Variants in CADM2 observed in about 807,000 individuals in gnomAD.
CADM2 encodes the protein immunoglobulin superfamily member 4D.
CADM2 carries 12 observed loss-of-function variants against 49.8 expected under a neutral mutation model. The observed-to-expected ratio is 0.24, with a 90% CI of 0.15 to 0.39. The LOEUF is 0.39. CADM2 is among the 10% of genes least tolerant of loss of function. The pLI, the probability that CADM2 is intolerant of heterozygous loss-of-function variation, is 1.00. For synonymous variants in CADM2, 214 were observed against 175.4 expected (o/e 1.22, Z -1.74); for missense variants, 378 against 492.3 (o/e 0.77, Z 2.20).
intron 1 of CADM2, among the ~76,000 whole-genome samples, chr3:85,502,407 G>A (rs1362266646): frequency 6.6e-6 from 1 of 151,966 alleles, no homozygotes; most frequent in Admixed American, 6.6e-5. Context: ...AAAAGGAAAG[G>A]GAATGAGGGA....
chr3:85,992,210 A>G (rs1292418532), intron 8 of CADM2: 2 of 152,052 alleles, frequency 1.3e-5, no homozygotes, highest in African/African-American at 4.8e-5. Flanking sequence ...TATTTTAAAC[A>G]TATGCATGTG....
intron 1 of CADM2, among the ~76,000 whole-genome samples, chr3:85,530,909 C>A (rs1055692943): frequency 1.6e-5 from 2 of 123,232 alleles, no homozygotes; most frequent in African/African-American, 7.9e-5. Context: ...CACACACACA[C>A]ACACAAAATT....
chr3:85,322,274 T>C (rs1263864763), intron 1 of CADM2, among the ~76,000 whole-genome samples: 2 of 152,240 alleles, frequency 1.3e-5, no homozygotes, highest in Non-Finnish European at 2.9e-5. Context: ...CTGTTTACGG[T>C]AGCATGTCCT....
chr3:85,355,499 A>G (rs1448034501), intron 1 of CADM2, among the ~76,000 whole-genome samples: 1 of 152,138 alleles, frequency 6.6e-6, no homozygotes, highest in Non-Finnish European at 1.5e-5. Flanking sequence ...ATTTTTTAAT[A>G]GAAGTTAACA....
At chr3:85,370,508 A>G (rs531958152) in intron 1 of CADM2, among the ~76,000 whole-genome samples, 22 of 152,222 alleles carry the variant, frequency 1.4e-4, no homozygotes, top group African/African-American at 5.1e-4. Flanking sequence ...TCATAAAGTA[A>G]TAGCACAATG....
At chr3:85,455,791 A>G (rs561720914) in intron 1 of CADM2, among the ~76,000 whole-genome samples, 1 of 152,258 alleles carries the variant, frequency 6.6e-6, no homozygotes, top group Admixed American at 6.5e-5. Context: ...ACAAGCCTCA[A>G]ACAATTATGT....
chr3:85,322,081 T>C (rs1267214504), intron 1 of CADM2, among the ~76,000 whole-genome samples: 2 of 151,864 alleles, frequency 1.3e-5, no homozygotes, highest in Non-Finnish European at 2.9e-5. Context: ...CATCAAATAT[T>C]GGGTGTGTGA....
intron 8 of CADM2, among the ~76,000 whole-genome samples, chr3:86,024,557 A>T (rs1048328779): frequency 1.3e-5 from 2 of 152,176 alleles, no homozygotes; most frequent in African/African-American, 4.8e-5. Context: ...TGGAGCAATT[A>T]TATATGTAAT....
chr3:85,485,655 G>A (rs748238313), intron 1 of CADM2, among the ~76,000 whole-genome samples: 10 of 151,880 alleles, frequency 6.6e-5, no homozygotes, highest in Non-Finnish European at 1.2e-4. Flanking sequence ...CACTCTTGTC[G>A]ACATAATTAT....
intron 1 of CADM2, among the ~76,000 whole-genome samples, chr3:84,992,894 A>T (rs2032971042): frequency 6.6e-6 from 1 of 152,174 alleles, no homozygotes; most frequent in South Asian, 2.1e-4. Flanking sequence ...GGAGGTAGAG[A>T]CGAGCAGCCT....
intron 8 of CADM2, among the ~76,000 whole-genome samples, chr3:86,001,961 C>G (rs972097690): frequency 2.6e-5 from 4 of 151,828 alleles, no homozygotes; most frequent in Non-Finnish European, 5.9e-5. Flanking sequence ...AAATTATGAA[C>G]CTGATAGCAA....
intron 1 of CADM2, among the ~76,000 whole-genome samples, chr3:85,133,876 G>T (rs2039322246): frequency 6.6e-6 from 1 of 152,342 alleles, no homozygotes; most frequent in East Asian, 1.9e-4. Context: ...CTCAGCCCTT[G>T]GGTGGTCGAT....
At chr3:85,943,238 C>G (rs1026515041) in intron 7 of CADM2, among the ~76,000 whole-genome samples, 2 of 130,110 alleles carry the variant, frequency 1.5e-5, no homozygotes, top group African/African-American at 3.3e-5. Flanking sequence ...GATATTAGCC[C>G]TTTGTCAGAT....
At position 84,990,269 on chromosome 3, in the gene CADM2, A is replaced by G. The variant is rs372503374; in HGVS notation, c.61+30601A>G. On this transcript the variant is annotated intron_variant, in intron 1 of 9. Coordinates refer to ENST00000383699, the MANE Select transcript of CADM2 (RefSeq NM_001167675.2). ...TCAGAGTTTCTTAGTATTTTAAGTA[A>G]TTCAACAAAACATTAACTGGAATGA... Among the ~76,000 whole-genome samples the G allele has an allele frequency of 9.9e-5, 15 of 151,700 alleles. No individual in the cohort carries two copies. In the South Asian group the frequency reaches 2.5e-3, roughly 25 times the overall value.
At chr3:85,580,095 G>A (rs562590910) in intron 1 of CADM2, among the ~76,000 whole-genome samples, 20 of 152,148 alleles carry the variant, frequency 1.3e-4, no homozygotes, top group Middle Eastern at 3.4e-3. Flanking sequence ...CATAATCTCA[G>A]TTTACACCAA....
chr3:85,385,328 A>C (rs1439115493), intron 1 of CADM2, among the ~76,000 whole-genome samples: 2 of 152,096 alleles, frequency 1.3e-5, no homozygotes, highest in Non-Finnish European at 2.9e-5. Context: ...AAACAGAAAA[A>C]AATATATGTT....
At chr3:85,282,226 C>T (rs1407658397) in intron 1 of CADM2, among the ~76,000 whole-genome samples, 3 of 145,598 alleles carry the variant, frequency 2.1e-5, no homozygotes, top group South Asian at 2.2e-4. Context: ...AAAATATCCA[C>T]TTCAAAAACA....
At chr3:85,804,049 T>A (rs1343990107) in intron 3 of CADM2, among the ~76,000 whole-genome samples, 1 of 152,226 alleles carries the variant, frequency 6.6e-6, no homozygotes, top group South Asian at 2.1e-4. Flanking sequence ...GTTAAAAAAA[T>A]TAAATGCATA....
intron 1 of CADM2, among the ~76,000 whole-genome samples, chr3:85,218,744 C>G (rs759423126): frequency 6.6e-6 from 1 of 152,038 alleles, no homozygotes; most frequent in Non-Finnish European, 1.5e-5. Flanking sequence ...TGCAGTGAGC[C>G]GAGATTACGC....
Sources: allele counts gnomAD v4.1 joint callset (sites outside exome capture counted in the v4.1 genomes callset), GRCh38; gene constraint gnomAD v4.1.1; transcripts MANE v1.5; gene names NCBI Gene and HGNC (gene_info 2026-07-23, HGNC 2026-07-21).